The following CAST variants were observed in gnomAD, a reference collection of about 807,000 sequenced individuals.
The protein encoded by CAST is calpastatin.
Under a neutral mutation model 119.6 loss-of-function variants are expected in CAST, and 76 were observed. The observed-to-expected ratio is 0.64, with a 90% CI of 0.53 to 0.77. The LOEUF is 0.77. Ranked by LOEUF, CAST falls within the 30% of genes least tolerant of loss-of-function variation. CAST has a pLI of 0.00. For missense variants in CAST, 953 were observed against 946.5 expected, an observed-to-expected ratio of 1.01 and a Z score of -0.09; for synonymous variants, 319 against 331.6, an observed-to-expected ratio of 0.96 and a Z score of 0.41.
the CAST span, among the ~76,000 whole-genome samples, chr5:96,000,282 T>C: frequency 6.6e-6 from 1 of 152,188 alleles, no homozygotes; most frequent in Non-Finnish European, 1.5e-5. Context: ...ATTTTTTTAT[T>C]TTATGGAACA....
chr5:96,520,587 G>A (rs1432845533), upstream of CAST, among the ~76,000 whole-genome samples: 1 of 152,078 alleles, frequency 6.6e-6, no homozygotes, highest in African/African-American at 2.4e-5. Flanking sequence ...CTGTGTGTGT[G>A]TGTCTGTGTA....
At chr5:96,421,993 TAAAAAAA>T in the CAST span, 2,159 of 357,274 alleles carry the variant, frequency 6.0e-3, 5 homozygotes, top group Middle Eastern at 9.0e-3. Context: ...GTGGCAGCAT[TAAAAAAA>T]AAAAAAAAAA....
chr5:96,484,591 C>T, the CAST span, among the ~76,000 whole-genome samples: 1 of 152,126 alleles, frequency 6.6e-6, no homozygotes, highest in African/African-American at 2.4e-5. Context: ...TGAATATTCA[C>T]TATTTTTGGT....
At chr5:96,760,538 T>A (rs1186035930) in intron 24 of CAST, among the ~76,000 whole-genome samples, 2 of 151,892 alleles carry the variant, frequency 1.3e-5, no homozygotes, top group Admixed American at 1.3e-4. Context: ...CATGGAAGAA[T>A]CATTAACAAC....
chr5:96,052,046 G>A, the CAST span, among the ~76,000 whole-genome samples: 2 of 152,156 alleles, frequency 1.3e-5, no homozygotes, highest in East Asian at 1.9e-4. Flanking sequence ...GACAGCACAG[G>A]GGAGAGAATG....
chr5:96,333,428 G>C, the CAST span, among the ~76,000 whole-genome samples: 42,194 of 151,982 alleles, frequency 0.28, 6,059 homozygotes, highest in Middle Eastern at 0.32. Flanking sequence ...CTGCTGGGAG[G>C]CCTCAGTTTC....
At chr5:96,288,661 T>C in the CAST span, among the ~76,000 whole-genome samples, 2 of 152,194 alleles carry the variant, frequency 1.3e-5, no homozygotes, top group African/African-American at 2.4e-5. Flanking sequence ...CTTAGACATA[T>C]GACTATGTTG....
chr5:96,381,736 T>A, the CAST span, among the ~76,000 whole-genome samples: 1 of 152,108 alleles, frequency 6.6e-6, no homozygotes, highest in Non-Finnish European at 1.5e-5. Flanking sequence ...GTCACACACA[T>A]GCTCTTTTGA....
the CAST span, among the ~76,000 whole-genome samples, chr5:96,491,803 A>C: frequency 5.9e-5 from 9 of 152,228 alleles, no homozygotes; most frequent in Admixed American, 5.9e-4. Flanking sequence ...CTGTATCCCT[A>C]CAATGGTGCA....
chr5:96,095,612 C>A, the CAST span, among the ~76,000 whole-genome samples: 2 of 125,264 alleles, frequency 1.6e-5, no homozygotes, highest in Admixed American at 8.5e-5. Flanking sequence ...AAGGGTGATA[C>A]ATTCTCTACT....
chr5:96,757,217 T>G (rs1766501755), intron 22 of CAST, among the ~76,000 whole-genome samples: 1 of 152,162 alleles, frequency 6.6e-6, no homozygotes, highest in Admixed American at 6.6e-5. Context: ...CCTCATCCAG[T>G]GTGCAGCCCC....
At chr5:96,413,963 CAAAAAAAAAAAAAAAA>C in the CAST span, among the ~76,000 whole-genome samples, 7 of 22,436 alleles carry the variant, frequency 3.1e-4, no homozygotes, top group Admixed American at 4.1e-3. Context: ...ACTAAAAATA[CAAAAAAAAAAAAAAAA>C]AAAAAAAAAA....
At chr5:96,411,646 C>T in the CAST span, among the ~76,000 whole-genome samples, 15 of 152,144 alleles carry the variant, frequency 9.9e-5, no homozygotes, top group Admixed American at 1.3e-4. Flanking sequence ...AGCATTTCCG[C>T]GCTTGGAAGA....
the CAST span, among the ~76,000 whole-genome samples, chr5:96,388,254 A>G: frequency 6.6e-6 from 1 of 152,238 alleles, no homozygotes; most frequent in African/African-American, 2.4e-5. Context: ...AGTAATGCTT[A>G]TAAAATATGT....
chr5:96,501,257 G>T, the CAST span, among the ~76,000 whole-genome samples: 1 of 152,126 alleles, frequency 6.6e-6, no homozygotes, highest in South Asian at 2.1e-4. Context: ...AAATATGTCA[G>T]TAACACAATA....
At chr5:96,064,798 C>T in the CAST span, among the ~76,000 whole-genome samples, 1 of 152,084 alleles carries the variant, frequency 6.6e-6, no homozygotes, top group Admixed American at 6.6e-5. Context: ...ATGAAATTCC[C>T]TTTTCTGGGA....
At chr5:96,551,441 C>T (rs557823835) in intron 1 of CAST, among the ~76,000 whole-genome samples, 1 of 152,296 alleles carries the variant, frequency 6.6e-6, no homozygotes, top group Non-Finnish European at 1.5e-5. Flanking sequence ...AAAGGAACAA[C>T]TGGTACCAGC....
chr5:96,514,263 G>T, the CAST span, among the ~76,000 whole-genome samples: 3 of 152,002 alleles, frequency 2.0e-5, no homozygotes, highest in African/African-American at 7.3e-5. Context: ...TTAACATTAC[G>T]TAGGACAAAC....
intron 1 of CAST, among the ~76,000 whole-genome samples, chr5:96,637,287 A>T (rs2150202732): frequency 6.6e-6 from 1 of 152,326 alleles, no homozygotes; most frequent in East Asian, 1.9e-4. Flanking sequence ...CAAATGAGAA[A>T]CTAAAGCACA....
Sources: gnomAD v4.1 joint callset for allele counts (sites outside exome capture counted in the v4.1 genomes callset) on GRCh38, gnomAD v4.1.1 for gene constraint, MANE v1.5 for transcripts, NCBI Gene and HGNC (gene_info 2026-07-23, HGNC 2026-07-21) for gene names.